Variants in MEGF11 observed in about 807,000 individuals in gnomAD.
MEGF11 encodes the protein multiple epidermal growth factor-like domains protein 11.
A neutral mutation model predicts 146.6 loss-of-function variants in MEGF11; 126 were observed. The ratio of observed to expected loss-of-function variants is 0.86; its 90% CI spans 0.74 to 1.00. MEGF11 has a LOEUF of 1.00. Among genes scored for constraint, MEGF11 ranks in the 50% least tolerant of loss-of-function variants. MEGF11 has a pLI of 0.00. For synonymous variants in MEGF11, 532 were observed against 583.4 expected (o/e 0.91, Z 1.27); for missense variants, 1,509 against 1,521.2 (o/e 0.99, Z 0.13).
At chr15:66,010,199 TC>T (rs1348233459) in intron 5 of MEGF11, among the ~76,000 whole-genome samples, 616 of 22,028 alleles carry the variant, frequency 0.028, 6 homozygotes, top group African/African-American at 0.038. Context: ...ACTCATAATT[TC>T]TTTTTTTTTT....
At chr15:65,965,985 T>C (rs1001814371) in intron 8 of MEGF11, among the ~76,000 whole-genome samples, 1 of 152,202 alleles carries the variant, frequency 6.6e-6, no homozygotes, top group East Asian at 1.9e-4. Flanking sequence ...AAAAACTGTT[T>C]AGGTAGGTTT....
intron 13 of MEGF11, among the ~76,000 whole-genome samples, chr15:65,926,070 A>C (rs562922411): frequency 8.5e-5 from 13 of 152,302 alleles, no homozygotes; most frequent in Non-Finnish European, 1.8e-4. Context: ...GGTGCCCAAC[A>C]GTGTTTGGCA....
intron 4 of MEGF11, among the ~76,000 whole-genome samples, chr15:66,117,713 G>A (rs2140902393): frequency 6.6e-6 from 1 of 151,708 alleles, no homozygotes; most frequent in East Asian, 1.9e-4. Flanking sequence ...AGCAGCAGCA[G>A]GAAAGCCTTA....
intron 4 of MEGF11, among the ~76,000 whole-genome samples, chr15:66,096,815 C>CT (rs2086573536): frequency 6.6e-6 from 1 of 152,220 alleles, no homozygotes; most frequent in Non-Finnish European, 1.5e-5. Flanking sequence ...CTTCTCCAAG[C>CT]TGGGGGGGAA....
At chr15:66,170,760 C>T (rs1483685417) in intron 1 of MEGF11, among the ~76,000 whole-genome samples, 1 of 152,130 alleles carries the variant, frequency 6.6e-6, no homozygotes, top group Non-Finnish European at 1.5e-5. Flanking sequence ...GCTGAAGACC[C>T]CCACTCCCCA....
chr15:66,067,469 G>T (rs2085179243), intron 5 of MEGF11, among the ~76,000 whole-genome samples: 1 of 152,200 alleles, frequency 6.6e-6, no homozygotes, highest in Admixed American at 6.5e-5. Context: ...CTTGCTGGAG[G>T]CCTTAAAGCT....
intron 23 of MEGF11, 67 bp downstream of exon 23, chr15:65,908,967 T>C: frequency 1.0e-6 from 1 of 975,492 alleles, no homozygotes; most frequent in Non-Finnish European, 1.6e-6. Context: ...GGTGCAGGGA[T>C]GGGGATTAGG....
chr15:66,028,555 A>G (rs979343555), intron 5 of MEGF11, among the ~76,000 whole-genome samples: 1 of 152,226 alleles, frequency 6.6e-6, no homozygotes, highest in Admixed American at 6.5e-5. Context: ...ACTGTATCCA[A>G]TGGAAATCAT....
intron 5 of MEGF11, among the ~76,000 whole-genome samples, chr15:66,079,319 A>G (rs2085734051): frequency 6.6e-6 from 1 of 152,146 alleles, no homozygotes; most frequent in Admixed American, 6.5e-5. Flanking sequence ...CTGAACCCCT[A>G]ACAACTCTAG....
rs532363916 is a variant in MEGF11, at chr15:66,140,641, G to A, written c.-8-12230C>T. Among the ~76,000 whole-genome samples, 14 of 152,352 alleles carry A rather than the reference G, an allele frequency of 9.2e-5. No individual in the cohort carries two copies. In the East Asian group the frequency reaches 9.6e-4, roughly 10 times the overall value. On this transcript the variant is annotated intron_variant, in intron 1 of 25. Transcript: ENST00000395614. ...AGGGACTCAATAGGGTAGGAAGAACGGGAGGCAAGCCAGAAGCTTGCTAAG... is the reference window on the plus strand; with the variant it reads ...AGGGACTCAATAGGGTAGGAAGAACAGGAGGCAAGCCAGAAGCTTGCTAAG...
intron 9 of MEGF11, 58 bp downstream of exon 9, chr15:65,964,850 C>T (rs1485294138): frequency 2.7e-6 from 4 of 1,467,326 alleles, no homozygotes; most frequent in Non-Finnish European, 3.7e-6. Context: ...TAGCAAGCCT[C>T]CTCTCTACCT....
In MEGF11 at chr15:66,025,322, G is replaced by A. The variant is rs142463115; in HGVS notation, c.395-42834C>T. On this transcript the variant is annotated intron_variant, in intron 5 of 25. Transcript: ENST00000395614. ...TCCCAGGCTGATTCCTGAGTGGGGG[G>A]GCTCCTCGTGGTCCACTCCTGCTTG... 7.2e-5 allele frequency among the ~76,000 whole-genome samples: 11 copies of A among 152,060 alleles called. 1 individual carries two copies. Among genetic ancestry groups the A allele is most frequent in the African/African-American group, 9.7e-5 (4 of 41,386 alleles).
chr15:66,184,481 G>A (rs907693071), intron 1 of MEGF11, among the ~76,000 whole-genome samples: 3 of 151,754 alleles, frequency 2.0e-5, no homozygotes, highest in African/African-American at 4.8e-5. Flanking sequence ...CAAAGCAGTC[G>A]GAGTGATCTC....
At chr15:66,014,055 G>T (rs1387639429) in intron 5 of MEGF11, among the ~76,000 whole-genome samples, 1 of 152,230 alleles carries the variant, frequency 6.6e-6, no homozygotes, top group African/African-American at 2.4e-5. Context: ...TGAGTGAGGA[G>T]AGGCCAGAGG....
intron 5 of MEGF11, among the ~76,000 whole-genome samples, chr15:66,058,272 T>C (rs2084761716): frequency 6.6e-6 from 1 of 152,182 alleles, no homozygotes. Context: ...ATACAGGCTG[T>C]GCGGAAGGCA....
At chr15:65,986,168 G>A (rs1269316008) in intron 5 of MEGF11, among the ~76,000 whole-genome samples, 1 of 151,940 alleles carries the variant, frequency 6.6e-6, no homozygotes, top group Non-Finnish European at 1.5e-5. Context: ...GGCCAGGCTG[G>A]TCTCGAACTC....
chr15:66,059,469 G>C (rs2140400695), intron 5 of MEGF11, among the ~76,000 whole-genome samples: 1 of 152,254 alleles, frequency 6.6e-6, no homozygotes, highest in South Asian at 2.1e-4. Context: ...TTGCCCCACA[G>C]TCCAAGTGGG....
At chr15:65,908,993 G>A (rs1451206070) in intron 23 of MEGF11, 41 bp downstream of exon 23, 1 of 1,317,516 alleles carries the variant, frequency 7.6e-7, no homozygotes, top group African/African-American at 1.5e-5. Context: ...TGCTGGGTCT[G>A]GTCTGGCATG....
chr15:65,916,043 A>T (rs1007590679), intron 18 of MEGF11, 105 bp downstream of exon 18: 24 of 1,349,316 alleles, frequency 1.8e-5, no homozygotes, highest in Non-Finnish European at 2.3e-5. Flanking sequence ...CAAGGGACCA[A>T]GGGGTACAGA....
Sources: allele counts gnomAD v4.1 joint callset (sites outside exome capture counted in the v4.1 genomes callset), GRCh38; gene constraint gnomAD v4.1.1; transcripts MANE v1.5; gene names NCBI Gene and HGNC (gene_info 2026-07-23, HGNC 2026-07-21).